Variants in APOB observed in about 807,000 individuals in gnomAD.
APOB encodes the protein apolipoprotein B-100.
Under a neutral mutation model 314.1 loss-of-function variants are expected in APOB, and 153 were observed. That is an observed-to-expected ratio of 0.49 (90% CI 0.43 to 0.56). The LOEUF (loss-of-function observed/expected upper bound fraction) is 0.56. Among genes scored for constraint, APOB ranks in the 20% least tolerant of loss-of-function variants. The probability of loss-of-function intolerance (pLI) is 0.00; values close to 1 mark genes in which losing one functional copy is unlikely to be tolerated. For missense variants in APOB, 5,430 were observed against 5,350.7 expected, an observed-to-expected ratio of 1.01 and a Z score of -0.46; for synonymous variants, 2,087 against 2,036.4, an observed-to-expected ratio of 1.02 and a Z score of -0.67.
chr2:21,007,209 G>A lies in APOB; in HGVS notation c.9659C>T (p.Thr3220Ile). The A allele has an allele frequency of 1.2e-6, 2 of 1,613,760 alleles. No homozygotes were observed. The highest frequency in any genetic ancestry group is 1.1e-5 in the South Asian group (1 of 91,048). ...AATTTTTGTTTCATTATAGGATTTG[G>A]TGACAAAATCTAATGCATTGTTTCT... is the stretch of plus-strand genomic sequence containing the variant. ...KNRNNALDFV[T>I]KSYNETKIKF... Residue 3220 changes from threonine to isoleucine, a missense_variant, in exon 26 of 29, where the codon ACC (threonine) becomes ATC (isoleucine). Physicochemically the swap from Thr to Ile is moderately conservative, Grantham distance 89 (BLOSUM62 -1). This residue lies in a region of APOB where 3,281 missense variants were observed against 3,171.0 expected (regional missense o/e 1.03). Coordinates refer to ENST00000233242, the MANE Select transcript of APOB (RefSeq NM_000384.3).
In APOB at chr2:21,009,584, C is replaced by CT; in HGVS notation, c.7283dup (p.Ser2429ValfsTer3). ...CTACAAACTGGTGGTAATCAAATGA[C>CT]TTTAATTTCTTTATCAACATGTCAA... On this transcript the variant is annotated frameshift_variant, in exon 26 of 29. Coordinates refer to ENST00000233242, the MANE Select transcript of APOB (RefSeq NM_000384.3). LOFTEE classifies it high-confidence loss of function. The CT allele has an allele frequency of 6.2e-7, 1 of 1,613,896 alleles. No homozygotes were observed. The highest frequency in any genetic ancestry group is 1.3e-5 in the African/African-American group (1 of 75,022).
chr2:21,021,283 T>C (rs1448768651), intron 18 of APOB, among the ~76,000 whole-genome samples: 2 of 152,208 alleles, frequency 1.3e-5, no homozygotes, highest in Non-Finnish European at 2.9e-5. Context: ...CCAGTACTTA[T>C]GATTCTGCCT....
Position 21,008,278 on chromosome 2 carries a change from T to C in APOB, c.8590A>G (p.Lys2864Glu), listed in dbSNP as rs1410207608. The part of the protein sequence containing the change: ...SNTVASLHTE[K>E]NTLELSNGVI... Reference sequence around the variant, plus strand: ...CCATTACTAAGCTCCAGTGTATTTTTTTCTGTGTGTAAACTTGCCACTGTG... The same window carrying C: ...CCATTACTAAGCTCCAGTGTATTTTCTTCTGTGTGTAAACTTGCCACTGTG... The change falls in exon 26 of 29, where the codon AAA becomes GAA. Residue 2864 changes from lysine (K) to glutamate (E), a missense_variant. By Grantham distance (56) the Lys-to-Glu change is moderately conservative (BLOSUM62 1). Coordinates refer to ENST00000233242, the MANE Select transcript of APOB (RefSeq NM_000384.3). 1 of 1,613,980 alleles carries C rather than the reference T, an allele frequency of 6.2e-7. No individual in the cohort carries two copies. Among genetic ancestry groups the C allele is most frequent in the South Asian group, 1.1e-5 (1 of 91,060 alleles).
intron 9 of APOB, among the ~76,000 whole-genome samples, 186 bp downstream of exon 9, chr2:21,033,111 CGT>C (rs1401669379): frequency 2.0e-5 from 3 of 152,152 alleles, no homozygotes; most frequent in East Asian, 1.9e-4. Context: ...ACAGTATGCG[CGT>C]GTGTGTTTCA....
chr2:21,042,261 A>G (rs1572804960), intron 3 of APOB, 100 bp downstream of exon 3: 1 of 860,090 alleles, frequency 1.2e-6, no homozygotes, highest in Non-Finnish European at 2.0e-6. Context: ...GCGTTTGCTC[A>G]GTACACACCC....
chr2:21,016,479 T>A lies in APOB; in HGVS notation c.3292A>T (p.Asn1098Tyr), dbSNP rs1442957839. The A allele has an allele frequency of 3.7e-6, 6 of 1,612,290 alleles. No individual in the cohort carries two copies. The South Asian group carries it at 6.6e-5, about 18-fold the overall frequency. The change falls in exon 21 of 29, where the codon AAC (asparagine) becomes TAC (tyrosine). Residue 1098 changes from asparagine to tyrosine, a missense_variant. This residue lies in a region of APOB where 2,085 missense variants were observed against 2,079.7 expected (regional missense o/e 1.00). Coordinates refer to ENST00000233242, the MANE Select transcript of APOB (RefSeq NM_000384.3). The stretch of plus-strand genomic sequence containing the variant: ...AGGGCGACCTCAGTAATTTTCTTGT[T>A]CTGAATGTCCAGGGTGAGTCTGTAA... ...TSYRLTLDIQNKKITEVALMG... is the reference protein window; with the variant it reads ...TSYRLTLDIQYKKITEVALMG...
rs201368496 is a variant in APOB, at chr2:21,005,777, A to G, written c.11091T>C (p.Gly3697=). ...TTGAAACACGAAGATGCTGTCTCCT[A>G]CCAATGCTGGTGGTTACATCCAGCT... The part of the protein sequence containing the change: ...FLKLDVTTSI[G]RRQHLRVSTA... Residue 3697 remains glycine, a synonymous_variant, in exon 26 of 29, where the codon GGT becomes GGC. Coordinates refer to ENST00000233242, the MANE Select transcript of APOB (RefSeq NM_000384.3). 2.4e-5 allele frequency: 39 copies of G among 1,614,026 alleles called. No homozygotes were observed. In the Middle Eastern group the frequency reaches 5.0e-4, roughly 20 times the overall value.
intron 18 of APOB, among the ~76,000 whole-genome samples, chr2:21,021,689 C>G (rs577546217): frequency 1.4e-4 from 21 of 152,298 alleles, no homozygotes; most frequent in African/African-American, 4.6e-4. Context: ...CTGGAACACT[C>G]ACTCCTTTCT....
rs1278225212 is a variant in APOB, at chr2:21,001,588, A to G, written c.*142T>C. 5.2e-6 allele frequency: 4 copies of G among 767,298 alleles called. No individual in the cohort carries two copies. The highest frequency in any genetic ancestry group is 6.3e-6 in the Non-Finnish European group (3 of 476,848). The allele number at this position is 767,298 out of a possible 1,614,324, so 47.5% of individuals were successfully genotyped here. A position where few individuals can be genotyped will look rare whatever the true frequency, so the allele number is the denominator to read the frequency against. On this transcript the variant is annotated 3_prime_UTR_variant, in exon 29 of 29. Coordinates refer to ENST00000233242, the MANE Select transcript of APOB (RefSeq NM_000384.3). ...CAGCTTTGGTGCAGGTCCAGTTCAT[A>G]TGTGCTTCTGCTTATAGTCTACTGC...
At position 21,006,125 on chromosome 2, in the gene APOB, T is replaced by A; in HGVS notation, c.10743A>T (p.Gly3581=). Residue 3581 remains glycine, a synonymous_variant, in exon 26 of 29, where the codon GGA becomes GGT. Coordinates refer to ENST00000233242, the MANE Select transcript of APOB (RefSeq NM_000384.3). ...CCAGGGTGGCTTTGCTTGTATGTTC[T>A]CCGTTGGTGAAAAAGAGGCCCTCTA... ...LQLEGLFFTN[G]EHTSKATLEL... is the part of the protein sequence containing the mutation. The A allele has an allele frequency of 1.2e-6, 2 of 1,614,014 alleles. No homozygotes were observed. The highest frequency in any genetic ancestry group is 1.7e-6 in the Non-Finnish European group (2 of 1,179,960).
Position 21,011,648 on chromosome 2 carries a change from A to G in APOB, c.5220T>C (p.Asn1740=), listed in dbSNP as rs2103358659. 6.2e-7 allele frequency: 1 copy of G among 1,614,158 alleles called. No homozygotes were observed. Among genetic ancestry groups the G allele is most frequent in the Non-Finnish European group, 8.5e-7 (1 of 1,180,026 alleles). Reference sequence around the variant, plus strand: ...TTTCAGCATATGAGCCCATCATGTCATTTGAGAGCTTAAGTCCTTCTTGAC... The same window carrying G: ...TTTCAGCATATGAGCCCATCATGTCGTTTGAGAGCTTAAGTCCTTCTTGAC... ...KVSQEGLKLS[N]DMMGSYAEMK... Residue 1740 remains asparagine, a synonymous_variant, in exon 26 of 29, where the codon AAT becomes AAC. Coordinates refer to ENST00000233242, the MANE Select transcript of APOB (RefSeq NM_000384.3).
At chr2:21,019,212 G>T in intron 19 of APOB, 99 bp from the exon 20 acceptor site, 1 of 1,463,864 alleles carries the variant, frequency 6.8e-7, no homozygotes, top group Non-Finnish European at 9.5e-7. Flanking sequence ...ACAAAAATAT[G>T]GTCCTTATTT....
chr2:21,019,599 T>C, intron 19 of APOB, 124 bp downstream of exon 19: 1 of 1,055,252 alleles, frequency 9.5e-7, no homozygotes, highest in Non-Finnish European at 1.4e-6. Flanking sequence ...TACCCAAAGA[T>C]GGTGCAAACC....
chr2:21,039,444 G>A (rs979209220), intron 4 of APOB, among the ~76,000 whole-genome samples: 3 of 152,192 alleles, frequency 2.0e-5, no homozygotes, highest in Non-Finnish European at 2.9e-5. Context: ...TTCCCACTGG[G>A]TACTCTCTGA....
chr2:21,031,839 G>A (rs1278015459), intron 10 of APOB, among the ~76,000 whole-genome samples: 4 of 151,658 alleles, frequency 2.6e-5, no homozygotes, highest in Non-Finnish European at 5.9e-5. Flanking sequence ...GACACAGTGA[G>A]ACCATCTCAA....
At chr2:21,025,216 A>G (rs1220736031) in intron 15 of APOB, 92 bp from the exon 16 acceptor site, 14 of 1,301,050 alleles carry the variant, frequency 1.1e-5, no homozygotes, top group Non-Finnish European at 4.4e-6. Flanking sequence ...TGCAGCCAGG[A>G]TGGGCCTAAA....
At position 21,007,248 on chromosome 2, in the gene APOB, T is replaced by A; in HGVS notation, c.9620A>T (p.His3207Leu). Reference protein sequence around the residue: ...ISQSIKSFDRHFEKNRNNALD... With the variant: ...ISQSIKSFDRLFEKNRNNALD... ...TGCATTGTTTCTGTTTTTTTCAAAA[T>A]GCCTGTCAAAGGATTTGATGCTCTG... The change falls in exon 26 of 29, where the codon CAT becomes CTT. Residue 3207 changes from histidine to leucine, a missense_variant. Around this residue, in one of 3 missense-constraint regions of APOB, gnomAD observed 3,281 missense variants for 3,171.0 expected, o/e 1.03. Transcript: ENST00000233242. The A allele has an allele frequency of 6.2e-7, 1 of 1,613,396 alleles. No homozygotes were observed. The highest frequency in any genetic ancestry group is 8.5e-7 in the Non-Finnish European group (1 of 1,179,582).
chr2:21,018,052 A>G (rs1314338533), intron 20 of APOB, among the ~76,000 whole-genome samples: 1 of 151,852 alleles, frequency 6.6e-6, no homozygotes, highest in Non-Finnish European at 1.5e-5. Context: ...TGGAAGTTCC[A>G]TTTTTCAGTT....
In APOB at chr2:21,006,855, G is replaced by C; in HGVS notation, c.10013C>G (p.Thr3338Ser). The C allele has an allele frequency of 6.2e-7, 1 of 1,614,050 alleles. No individual in the cohort carries two copies. Among genetic ancestry groups the C allele is most frequent in the Non-Finnish European group, 8.5e-7 (1 of 1,179,928 alleles). Reference sequence around the variant, plus strand: ...ACTTGATTTAAAGGAGAAATCATAGGTAATATTGCCCATGGCAGGAATAAA... The same window carrying C: ...ACTTGATTTAAAGGAGAAATCATAGCTAATATTGCCCATGGCAGGAATAAA... ...HIFIPAMGNI[T>S]YDFSFKSSVI... is the part of the protein sequence containing the mutation. The change falls in exon 26 of 29, where the codon ACC becomes AGC. Residue 3338 changes from threonine to serine, a missense_variant. Physicochemically the swap from Thr to Ser is moderately conservative, Grantham distance 58 (BLOSUM62 1). Around this residue, in one of 3 missense-constraint regions of APOB, gnomAD observed 3,281 missense variants for 3,171.0 expected, o/e 1.03. Coordinates refer to ENST00000233242, the MANE Select transcript of APOB (RefSeq NM_000384.3).
Sources: gnomAD v4.1 joint callset for allele counts (sites outside exome capture counted in the v4.1 genomes callset) on GRCh38, gnomAD v4.1.1 for gene constraint, gnomAD v4.1.1 regional missense constraint, MANE v1.5 for transcripts, NCBI Gene and HGNC (gene_info 2026-07-23, HGNC 2026-07-21) for gene names.